PIAS1: variants seen among roughly 807,000 people sequenced by gnomAD.
PIAS1 encodes the protein protein inhibitor of activated STAT 1.
A neutral mutation model predicts 71.3 loss-of-function variants in PIAS1; 6 were observed. The ratio of observed to expected loss-of-function variants is 0.08; its 90% CI spans 0.05 to 0.17. The LOEUF is 0.17. PIAS1 is among the 10% of genes least tolerant of loss of function. The pLI is 1.00. For synonymous variants in PIAS1, 303 were observed against 292.9 expected, an observed-to-expected ratio of 1.03 and a Z score of -0.35; for missense variants, 555 against 793.6, an observed-to-expected ratio of 0.70 and a Z score of 3.61.
At chr15:68,159,015 G>A (rs2092908334) in intron 7 of PIAS1, among the ~76,000 whole-genome samples, 1 of 152,108 alleles carries the variant, frequency 6.6e-6, no homozygotes, top group African/African-American at 2.4e-5. Flanking sequence ...CATGACAACA[G>A]GGATTAAAAA....
intron 2 of PIAS1, among the ~76,000 whole-genome samples, chr15:68,105,813 A>C (rs529835295): frequency 2.0e-5 from 3 of 152,040 alleles, no homozygotes; most frequent in African/African-American, 7.2e-5. Flanking sequence ...TCTAAAAAAA[A>C]TTTTTTTTAA....
intron 1 of PIAS1, among the ~76,000 whole-genome samples, chr15:68,078,870 G>A (rs577212893): frequency 1.3e-5 from 2 of 152,046 alleles, no homozygotes; most frequent in Non-Finnish European, 2.9e-5. Context: ...TGTAAATGAC[G>A]CTAAAAATTA....
At chr15:68,090,927 G>GGGGT (rs71455575) in intron 2 of PIAS1, among the ~76,000 whole-genome samples, 4 of 142,760 alleles carry the variant, frequency 2.8e-5, no homozygotes, top group African/African-American at 7.8e-5. Flanking sequence ...GTCATTTACG[G>GGGGT]GTGTGTGTGT....
chr15:68,182,638 T>G (rs759275825), intron 12 of PIAS1, among the ~76,000 whole-genome samples: 2 of 152,156 alleles, frequency 1.3e-5, no homozygotes, highest in Non-Finnish European at 2.9e-5. Context: ...CAGGCTGGTC[T>G]CAAACTCCCG....
intron 12 of PIAS1, among the ~76,000 whole-genome samples, chr15:68,182,474 C>T (rs1450102454): frequency 2.2e-5 from 2 of 92,504 alleles, no homozygotes; most frequent in Admixed American, 1.2e-4. Flanking sequence ...GAGTTTTGCT[C>T]TTATTGCTCA....
intron 2 of PIAS1, among the ~76,000 whole-genome samples, chr15:68,092,902 A>C (rs2092344759): frequency 6.6e-6 from 1 of 152,230 alleles, no homozygotes; most frequent in African/African-American, 2.4e-5. Flanking sequence ...ATAGCTGCCC[A>C]AATGGATTAA....
Position 68,174,067 on chromosome 15 carries a change from T to G in PIAS1, c.1169+175T>G, listed in dbSNP as rs1445950981. Among the ~76,000 whole-genome samples the G allele has an allele frequency of 6.6e-6, 1 of 152,264 alleles. No individual in the cohort carries two copies. Among genetic ancestry groups the G allele is most frequent in the Non-Finnish European group, 1.5e-5 (1 of 68,048 alleles). Reference sequence around the variant, plus strand: ...AAATTAGTGTTATGAATATTTTATCTTTTTAAATTGATGTTCCCTTGGTTT... The same window carrying G: ...AAATTAGTGTTATGAATATTTTATCGTTTTAAATTGATGTTCCCTTGGTTT... On this transcript the variant is annotated intron_variant, in intron 9 of 13. Transcript: ENST00000249636. The surrounding 1 kb of genome is among the most constrained non-coding windows in gnomAD (Gnocchi z 4.0).
intron 2 of PIAS1, among the ~76,000 whole-genome samples, chr15:68,105,486 G>A (rs1399632636): frequency 1.3e-5 from 2 of 151,882 alleles, no homozygotes; most frequent in African/African-American, 4.8e-5. Context: ...CATCAGAATT[G>A]GAGAGTGACA....
intron 1 of PIAS1, among the ~76,000 whole-genome samples, chr15:68,079,641 T>C (rs897944115): frequency 9.2e-5 from 14 of 151,974 alleles, no homozygotes; most frequent in Admixed American, 3.9e-4. Context: ...GGCTAATTAT[T>C]TTTTATTTTT....
At chr15:68,150,532 A>C (rs2092837341) in intron 6 of PIAS1, among the ~76,000 whole-genome samples, 2 of 152,212 alleles carry the variant, frequency 1.3e-5, no homozygotes, top group African/African-American at 4.8e-5. Flanking sequence ...CTTTTGTATA[A>C]ATAGTTGCCA....
intron 2 of PIAS1, among the ~76,000 whole-genome samples, chr15:68,090,925 C>CGG (rs1555425125): frequency 5.4e-5 from 4 of 73,860 alleles, no homozygotes; most frequent in Non-Finnish European, 5.8e-5. Context: ...TAGTCATTTA[C>CGG]GGGTGTGTGT....
intron 1 of PIAS1, among the ~76,000 whole-genome samples, chr15:68,083,764 T>TAAA (rs34242425): frequency 7.7e-6 from 1 of 129,116 alleles, no homozygotes; most frequent in East Asian, 2.2e-4. Flanking sequence ...ATGAATCCTG[T>TAAA]AAAAAAAAAA....
chr15:68,129,249 G>T (rs898758695), intron 2 of PIAS1, among the ~76,000 whole-genome samples: 2 of 151,968 alleles, frequency 1.3e-5, no homozygotes, highest in Admixed American at 6.6e-5. Flanking sequence ...GTTATTTTTT[G>T]TAGAGACAGG....
rs919843730 is a variant in PIAS1 at position 68,171,176 on chromosome 15, C to T, written c.1009-2556C>T. 2.6e-5 allele frequency among the ~76,000 whole-genome samples: 4 copies of T among 152,110 alleles called. No individual in the cohort carries two copies. Among genetic ancestry groups the T allele is most frequent in the Non-Finnish European group, 5.9e-5 (4 of 68,026 alleles). ...AAACACACATTAGCCTAGGCCTGCA[C>T]AGGGTCCGGATCATCAGTATCACTA... On this transcript the variant is annotated intron_variant, in intron 8 of 13. Transcript: ENST00000249636. The surrounding 1 kb of genome is among the most constrained non-coding windows in gnomAD (Gnocchi z 4.4).
At position 68,054,616 on chromosome 15, in the gene PIAS1, T is replaced by G. The variant is rs919490907; in HGVS notation, c.24+266T>G. 1.0e-5 allele frequency: 4 copies of G among 383,858 alleles called. No homozygotes were observed. Among genetic ancestry groups the G allele is most frequent in the African/African-American group, 2.1e-5 (1 of 46,920 alleles). The allele number at this position is 383,858 out of a possible 1,614,324, so 23.8% of individuals were successfully genotyped here. On this transcript the variant is annotated intron_variant, in intron 1 of 13. Coordinates refer to ENST00000249636, the MANE Select transcript of PIAS1 (RefSeq NM_016166.3). The surrounding 1 kb of genome is among the most constrained non-coding windows in gnomAD (Gnocchi z 4.6). ...CTGGCGGGGGTGGCGGGGGAAGAGA[T>G]AGGGAGTCCGGAGGTAGGGGCTGCA... is the stretch of plus-strand genomic sequence containing the variant.
At chr15:68,175,895 T>G (rs554494505) in intron 10 of PIAS1, 128 bp downstream of exon 10, 2 of 524,912 alleles carry the variant, frequency 3.8e-6, no homozygotes, top group African/African-American at 3.9e-5. Context: ...CCTATTAACT[T>G]ATTGATTAAA....
chr15:68,106,351 C>CA (rs11313083), intron 2 of PIAS1, among the ~76,000 whole-genome samples: 1,153 of 92,786 alleles, frequency 0.012, 22 homozygotes, highest in African/African-American at 0.041. Flanking sequence ...ATGACCTTTG[C>CA]AAAAAAAAAA....
chr15:68,182,341 C>T (rs1595797046), intron 12 of PIAS1, among the ~76,000 whole-genome samples: 1 of 151,556 alleles, frequency 6.6e-6, no homozygotes, highest in East Asian at 1.9e-4. Context: ...CATATATGCT[C>T]ATTGTAGAAA....
chr15:68,136,661 CA>C (rs2092735889), intron 2 of PIAS1, among the ~76,000 whole-genome samples: 1 of 151,738 alleles, frequency 6.6e-6, no homozygotes, highest in East Asian at 1.9e-4. Flanking sequence ...AACAATAAGC[CA>C]AAAAATTAAT....
Sources: gnomAD v4.1 joint callset for allele counts (sites outside exome capture counted in the v4.1 genomes callset) on GRCh38, gnomAD v4.1.1 for gene constraint, Gnocchi (gnomAD v3.1) non-coding constraint, MANE v1.5 for transcripts, NCBI Gene and HGNC (gene_info 2026-07-23, HGNC 2026-07-21) for gene names.